Variants in VWA3A observed in about 807,000 individuals in gnomAD.
VWA3A encodes the protein von Willebrand factor A domain-containing protein 3A.
A neutral mutation model predicts 160.4 loss-of-function variants in VWA3A; 134 were observed. The ratio of observed to expected loss-of-function variants is 0.84; its 90% CI spans 0.73 to 0.96. The LOEUF (loss-of-function observed/expected upper bound fraction) is 0.96, where lower values mean the gene tolerates loss of function less well. Among genes scored for constraint, VWA3A ranks in the 40% least tolerant of loss-of-function variants. The pLI is 0.00. For synonymous variants in VWA3A, 476 were observed against 543.4 expected (o/e 0.88, Z 1.72); for missense variants, 1,310 against 1,447.9 (o/e 0.90, Z 1.55).
intron 17 of VWA3A, 34 bp from the exon 18 acceptor site, chr16:22,131,171 C>T: frequency 6.2e-7 from 1 of 1,606,632 alleles, no homozygotes; most frequent in South Asian, 1.1e-5. Flanking sequence ...GGACCTCCCC[C>T]AGCCTAAGAA....
chr16:22,134,548 C>T, intron 21 of VWA3A, 110 bp downstream of exon 21: 1 of 918,934 alleles, frequency 1.1e-6, no homozygotes, highest in Non-Finnish European at 1.6e-6. Flanking sequence ...TTGATTCTCT[C>T]ACTTCCAGAG....
intron 30 of VWA3A, 101 bp from the exon 31 acceptor site, chr16:22,152,410 T>C: frequency 3.4e-6 from 5 of 1,468,038 alleles, no homozygotes. Context: ...GGCTGATTTC[T>C]CTTAAGCCCC....
intron 31 of VWA3A, 142 bp from the exon 32 acceptor site, chr16:22,155,425 G>T: frequency 1.4e-6 from 1 of 708,798 alleles, no homozygotes. Context: ...CCTGACCCTG[G>T]AGATATACAA....
chr16:22,131,879 T>TA, intron 19 of VWA3A, 150 bp downstream of exon 19: 2 of 1,198,566 alleles, frequency 1.7e-6, no homozygotes, highest in Non-Finnish European at 2.3e-6. Flanking sequence ...AGGATGCTGT[T>TA]AAAATGCAGG....
In VWA3A at chr16:22,115,490, A is replaced by G; in HGVS notation, c.815+18A>G. The G allele has an allele frequency of 1.3e-6, 2 of 1,593,700 alleles. No homozygotes were observed. Among genetic ancestry groups the G allele is most frequent in the Non-Finnish European group, 1.7e-6 (2 of 1,172,914 alleles). ...AGAAGCTGGTAGGTCTTCTTTCCTA[A>G]GCAGGTGACATACTACATGAAAAGG... On this transcript the variant is annotated intron_variant, in intron 9 of 33. Coordinates refer to ENST00000389398, the MANE Select transcript of VWA3A (RefSeq NM_173615.5).
rs141196548 is a variant in VWA3A at position 22,128,912 on chromosome 16, C to T, written c.1653-2293C>T. On this transcript the variant is annotated intron_variant, in intron 17 of 33. Transcript: ENST00000389398. ...CATGGACACATAAAGGGGAACAACA[C>T]ACACTGGAGCCTATTGGAGGGTGAG... is the stretch of plus-strand genomic sequence containing the variant. 2.7e-3 allele frequency among the ~76,000 whole-genome samples: 405 copies of T among 152,190 alleles called. 1 individual carries two copies. The highest frequency in any genetic ancestry group is 4.3e-3 in the Non-Finnish European group (290 of 68,002).
At chr16:22,140,871 C>A (rs1027563202) in intron 23 of VWA3A, among the ~76,000 whole-genome samples, 6 of 151,804 alleles carry the variant, frequency 4.0e-5, no homozygotes, top group African/African-American at 1.2e-4. Flanking sequence ...CTCGGCCTCC[C>A]AAAGTGCTGA....
At chr16:22,144,988 C>G (rs1329594529) in intron 26 of VWA3A, among the ~76,000 whole-genome samples, 4 of 152,134 alleles carry the variant, frequency 2.6e-5, no homozygotes, top group African/African-American at 9.7e-5. Context: ...AGTGTTCACC[C>G]ATAAGAATGC....
chr16:22,117,096 G>T lies in VWA3A; in HGVS notation c.925-15G>T. ...GTTGCCCTAGTGAGGCCTGACCCTGGCCTCATCCCTGCAGGCTGTCCTGAA... is the reference window on the plus strand; with the variant it reads ...GTTGCCCTAGTGAGGCCTGACCCTGTCCTCATCCCTGCAGGCTGTCCTGAA... On this transcript the variant is annotated splice_polypyrimidine_tract_variant and intron_variant, in intron 10 of 33. Coordinates refer to ENST00000389398, the MANE Select transcript of VWA3A (RefSeq NM_173615.5). 1.3e-6 allele frequency: 2 copies of T among 1,572,592 alleles called. No individual in the cohort carries two copies. Among genetic ancestry groups the T allele is most frequent in the Non-Finnish European group, 1.7e-6 (2 of 1,158,590 alleles).
At chr16:22,136,219 G>A (rs1389558981) in intron 21 of VWA3A, among the ~76,000 whole-genome samples, 5 of 152,130 alleles carry the variant, frequency 3.3e-5, no homozygotes, top group African/African-American at 4.8e-5. Flanking sequence ...AGAATTCCCC[G>A]GACTTGCAAG....
At chr16:22,147,897 C>T (rs1038244505) in intron 27 of VWA3A, among the ~76,000 whole-genome samples, 11 of 152,084 alleles carry the variant, frequency 7.2e-5, no homozygotes, top group East Asian at 3.9e-4. Context: ...AGGTTATAAC[C>T]GCTTGTGCAA....
chr16:22,115,546 G>T lies in VWA3A; in HGVS notation c.815+74G>T, dbSNP rs1295062610. 3.4e-6 allele frequency: 5 copies of T among 1,480,044 alleles called. No individual in the cohort carries two copies. The Admixed American group carries it at 1.2e-4, about 35-fold the overall frequency. The allele number at this position is 1,480,044 out of a possible 1,614,324, so 91.7% of individuals were successfully genotyped here. A position where few individuals can be genotyped will look rare whatever the true frequency, so the allele number is the denominator to read the frequency against. The stretch of plus-strand genomic sequence containing the variant: ...AAAACCAAACCACTTTTTGAGAAAA[G>T]ATTGGCTTGTCACAGTGGCTCATGC... On this transcript the variant is annotated intron_variant, in intron 9 of 33. Coordinates refer to ENST00000389398, the MANE Select transcript of VWA3A (RefSeq NM_173615.5).
chr16:22,148,210 T>C lies in VWA3A; in HGVS notation c.2888T>C (p.Leu963Ser), dbSNP rs552040854. 4.3e-5 allele frequency: 69 copies of C among 1,602,774 alleles called. No individual in the cohort carries two copies. In the South Asian group the frequency reaches 7.3e-4, roughly 17 times the overall value. The change falls in exon 28 of 34, where the codon TTG (leucine) becomes TCG (serine). Residue 963 changes from leucine to serine, a missense_variant. By Grantham distance (145) the Leu-to-Ser change is moderately radical. Coordinates refer to ENST00000389398, the MANE Select transcript of VWA3A (RefSeq NM_173615.5). ...GTTTTGGAGAGCAAAGTATGCATAT[T>C]GCTGGACACGTCAGGGTCCATGGGC... Reference protein sequence around the residue: ...GTVLESKVCILLDTSGSMGPY... With the variant: ...GTVLESKVCISLDTSGSMGPY...
At chr16:22,096,981 T>G (rs1190310063) in intron 2 of VWA3A, 36 bp downstream of exon 2, 4 of 1,359,586 alleles carry the variant, frequency 2.9e-6, no homozygotes, top group Non-Finnish European at 4.0e-6. Flanking sequence ...TTTTTTTTTT[T>G]TTGAGGCAGA....
chr16:22,121,154 G>T lies in VWA3A; in HGVS notation c.1252+51G>T. The stretch of plus-strand genomic sequence containing the variant: ...CAGGAAACAGGTGACTGACTAAAAG[G>T]CTTGAATCCGGCCGGGCACAGTGGC... On this transcript the variant is annotated intron_variant, in intron 13 of 33. Transcript: ENST00000389398. The T allele has an allele frequency of 1.9e-6, 3 of 1,611,864 alleles. No individual in the cohort carries two copies. In the Admixed American group the frequency reaches 5.0e-5, roughly 27 times the overall value.
chr16:22,154,960 C>CAAAAAAA lies in VWA3A; in HGVS notation c.3406-576_3406-570dup, dbSNP rs747770335. On this transcript the variant is annotated intron_variant, in intron 31 of 33. Coordinates refer to ENST00000389398, the MANE Select transcript of VWA3A (RefSeq NM_173615.5). ...TGGGCGACAGAGCGAGACTCCGTCT[C>CAAAAAAA]AAAAAAAAAAAAAAAAAAAAAAAAA... Among the ~76,000 whole-genome samples, 9 of 54,430 alleles carry CAAAAAAA rather than the reference C, an allele frequency of 1.7e-4. 2 individuals are homozygous for CAAAAAAA. Among genetic ancestry groups the CAAAAAAA allele is most frequent in the Non-Finnish European group, 2.3e-4 (6 of 26,188 alleles). The allele number at this position is 54,430 out of a possible 152,430, so 35.7% of individuals were successfully genotyped here.
At chr16:22,094,127 C>G (rs1015310258) in intron 1 of VWA3A, among the ~76,000 whole-genome samples, 7 of 151,946 alleles carry the variant, frequency 4.6e-5, no homozygotes, top group African/African-American at 1.7e-4. Context: ...CAGTTCAACC[C>G]CTTCTCCATC....
In VWA3A at chr16:22,141,676, G is replaced by A. The variant is rs1412121609; in HGVS notation, c.2478G>A (p.Glu826=). Residue 826 remains glutamate, a synonymous_variant, in exon 24 of 34, where the codon GAG becomes GAA. Coordinates refer to ENST00000389398, the MANE Select transcript of VWA3A (RefSeq NM_173615.5). ...CATCTCTTTTACTGTTCTACACAGA[G>A]AAAGGGAATGACGTGGGTAAGTTAG... is the stretch of plus-strand genomic sequence containing the variant. The part of the protein sequence containing the change: ...AETSLLLFYT[E]KGNDVGSVYK... 7 of 1,609,704 alleles carry A rather than the reference G, an allele frequency of 4.3e-6. No individual in the cohort carries two copies. In the African/African-American group the frequency reaches 6.7e-5, roughly 15 times the overall value.
intron 28 of VWA3A, among the ~76,000 whole-genome samples, chr16:22,148,692 G>C (rs939326439): frequency 6.6e-6 from 1 of 152,026 alleles, no homozygotes; most frequent in Non-Finnish European, 1.5e-5. Context: ...GATCACTTGA[G>C]CCCAGGAGGT....
Sources: allele counts gnomAD v4.1 joint callset (sites outside exome capture counted in the v4.1 genomes callset), GRCh38; gene constraint gnomAD v4.1.1; transcripts MANE v1.5; gene names NCBI Gene and HGNC (gene_info 2026-07-23, HGNC 2026-07-21).